Variants in MSRA observed in about 807,000 individuals in gnomAD.
The protein encoded by MSRA is methionine sulfoxide reductase A, also known as mitochondrial peptide methionine sulfoxide reductase.
MSRA carries 54 observed loss-of-function variants against 31.3 expected under a neutral mutation model. That is an observed-to-expected ratio of 1.73 (90% confidence interval 1.39 to 2.17). The LOEUF is 2.17. Ranked by LOEUF, MSRA falls within the 30% of genes most tolerant of loss-of-function variation. MSRA has a pLI of 0.00. For synonymous variants in MSRA, 169 were observed against 116.5 expected (o/e 1.45, Z -2.90); for missense variants, 507 against 300.9 (o/e 1.69, Z -5.07).
chr8:10,305,953 C>T (rs190700315), intron 4 of MSRA, among the ~76,000 whole-genome samples: 1 of 152,218 alleles, frequency 6.6e-6, no homozygotes, highest in Non-Finnish European at 1.5e-5. Flanking sequence ...TACCACAGAA[C>T]CTCTACTTTT....
intron 3 of MSRA, among the ~76,000 whole-genome samples, chr8:10,267,189 A>G (rs574376487): frequency 6.6e-6 from 1 of 152,274 alleles, no homozygotes; most frequent in East Asian, 1.9e-4. Flanking sequence ...GGTACTTTAG[A>G]TTTCCTGGAG....
At chr8:10,217,136 T>A (rs1810060871) in intron 2 of MSRA, among the ~76,000 whole-genome samples, 1 of 152,234 alleles carries the variant, frequency 6.6e-6, no homozygotes, top group African/African-American at 2.4e-5. Flanking sequence ...CAGTTTTACT[T>A]ACTGATTCTA....
intron 1 of MSRA, among the ~76,000 whole-genome samples, chr8:10,154,823 T>G (rs552454434): frequency 1.7e-4 from 26 of 152,136 alleles, no homozygotes; most frequent in African/African-American, 6.0e-4. Flanking sequence ...TGAAAAAGAT[T>G]TTAATTTTTT....
At chr8:10,357,089 A>G (rs776167279) in intron 5 of MSRA, among the ~76,000 whole-genome samples, 4 of 152,148 alleles carry the variant, frequency 2.6e-5, no homozygotes, top group South Asian at 2.1e-4. Context: ...ACCCAAGTCT[A>G]TCTCTTTAAC....
intron 1 of MSRA, among the ~76,000 whole-genome samples, chr8:10,128,531 C>A (rs904024156): frequency 6.6e-6 from 1 of 152,138 alleles, no homozygotes. Flanking sequence ...ATGTATCATT[C>A]TCCTGGGGCA....
intron 1 of MSRA, among the ~76,000 whole-genome samples, chr8:10,092,395 A>G (rs181819370): frequency 6.6e-6 from 1 of 152,186 alleles, no homozygotes; most frequent in African/African-American, 2.4e-5. Context: ...ACGGTGGCTC[A>G]CGCCTGTAAT....
Position 10,280,965 on chromosome 8 carries a change from C to A in MSRA, c.332-20569C>A, listed in dbSNP as rs554539103. On this transcript the variant is annotated intron_variant, in intron 3 of 5. Transcript: ENST00000317173. ...TCCAGAATAGGGAAAGCTGTAGAGA[C>A]AGAAATAAGACACATTAGTCATTAG... 2.0e-5 allele frequency among the ~76,000 whole-genome samples: 3 copies of A among 152,254 alleles called. No individual in the cohort carries two copies. The East Asian group carries it at 5.8e-4, about 29-fold the overall frequency.
chr8:10,283,405 G>C (rs1401096239), intron 3 of MSRA, among the ~76,000 whole-genome samples: 3 of 152,014 alleles, frequency 2.0e-5, no homozygotes, highest in Non-Finnish European at 4.4e-5. Flanking sequence ...GTGAACTATA[G>C]AAGAAATGTC....
chr8:10,322,332 C>T (rs577965793), intron 5 of MSRA, among the ~76,000 whole-genome samples: 6 of 150,824 alleles, frequency 4.0e-5, no homozygotes, highest in Admixed American at 4.0e-4. Flanking sequence ...TTATAGGATT[C>T]CGGGCCAGAA....
intron 3 of MSRA, among the ~76,000 whole-genome samples, chr8:10,255,559 G>C (rs1456162318): frequency 6.6e-6 from 1 of 152,144 alleles, no homozygotes; most frequent in Non-Finnish European, 1.5e-5. Context: ...GACCTGCTTG[G>C]CTCTGGAAGG....
chr8:10,221,531 G>T (rs574725032), intron 2 of MSRA, among the ~76,000 whole-genome samples: 17 of 152,114 alleles, frequency 1.1e-4, no homozygotes, highest in African/African-American at 4.1e-4. Context: ...CAGGCTACTA[G>T]TTAATGGCAG....
chr8:10,068,104 G>C (rs996343166), intron 1 of MSRA, among the ~76,000 whole-genome samples: 5 of 151,936 alleles, frequency 3.3e-5, no homozygotes, highest in Admixed American at 6.6e-5. Context: ...GGCTGATGTC[G>C]AACTTTTGAC....
At chr8:10,159,479 C>G (rs543477613) in intron 1 of MSRA, among the ~76,000 whole-genome samples, 1 of 152,320 alleles carries the variant, frequency 6.6e-6, no homozygotes, top group East Asian at 1.9e-4. Context: ...GAGCTTACCT[C>G]TTACTTCTGG....
At chr8:10,185,573 T>C (rs1377455782) in intron 1 of MSRA, among the ~76,000 whole-genome samples, 1 of 152,090 alleles carries the variant, frequency 6.6e-6, no homozygotes, top group East Asian at 1.9e-4. Flanking sequence ...TTGTGAGTCA[T>C]TGCGAGAAGG....
intron 1 of MSRA, among the ~76,000 whole-genome samples, chr8:10,194,058 A>C (rs1458739463): frequency 6.6e-6 from 1 of 152,200 alleles, no homozygotes; most frequent in East Asian, 1.9e-4. Context: ...GAGTAACAGA[A>C]AGGATGAGAG....
At position 10,204,727 on chromosome 8, in the gene MSRA, T is replaced by A. The variant is rs554257322; in HGVS notation, c.143-3106T>A. On this transcript the variant is annotated intron_variant, in intron 1 of 5. Coordinates refer to ENST00000317173, the MANE Select transcript of MSRA (RefSeq NM_012331.5). ...GTGATGCATAACTGTATATATGTAT[T>A]TTTAATGGATCAAATAAGTTATCTT... 7.9e-5 allele frequency among the ~76,000 whole-genome samples: 12 copies of A among 152,374 alleles called. No homozygotes were observed. The East Asian group carries it at 2.3e-3, about 29-fold the overall frequency.
chr8:10,345,905 A>C (rs1803741776), intron 5 of MSRA, among the ~76,000 whole-genome samples: 1 of 152,190 alleles, frequency 6.6e-6, no homozygotes, highest in South Asian at 2.1e-4. Flanking sequence ...ACCACTTGGC[A>C]ACCTACTTTA....
At chr8:10,120,915 C>A (rs1801062341) in intron 1 of MSRA, among the ~76,000 whole-genome samples, 1 of 152,188 alleles carries the variant, frequency 6.6e-6, no homozygotes, top group Non-Finnish European at 1.5e-5. Flanking sequence ...GTTCCCAAAT[C>A]ATTTTATGTC....
chr8:10,213,167 C>A (rs771207475), intron 2 of MSRA, among the ~76,000 whole-genome samples: 5 of 152,202 alleles, frequency 3.3e-5, no homozygotes, highest in Middle Eastern at 3.4e-3. Context: ...CATCCATTAA[C>A]GATCCCCACC....
Sources: allele counts gnomAD v4.1 joint callset (sites outside exome capture counted in the v4.1 genomes callset), GRCh38; gene constraint gnomAD v4.1.1; transcripts MANE v1.5; gene names NCBI Gene and HGNC (gene_info 2026-07-23, HGNC 2026-07-21).